Variants in DUSP14 observed in about 807,000 individuals in gnomAD.
DUSP14 encodes the protein dual specificity protein phosphatase 14.
A neutral mutation model predicts 13.2 loss-of-function variants in DUSP14; 5 were observed. That is an observed-to-expected ratio of 0.38 (90% CI 0.20 to 0.80). DUSP14 has a LOEUF of 0.80. Among genes scored for constraint, DUSP14 ranks in the 30% least tolerant of loss-of-function variants. DUSP14 has a pLI of 0.44. For synonymous variants in DUSP14, 91 were observed against 103.4 expected, an observed-to-expected ratio of 0.88 and a Z score of 0.73; for missense variants, 185 against 264.0, an observed-to-expected ratio of 0.70 and a Z score of 2.07.
intron 1 of DUSP14, among the ~76,000 whole-genome samples, chr17:37,495,990 TA>T (rs1232849758): frequency 6.6e-6 from 1 of 152,146 alleles, no homozygotes; most frequent in Admixed American, 6.6e-5. Flanking sequence ...CTTGTAAAAA[TA>T]AAATCTGGAA....
At chr17:37,509,243 CTATATA>C (rs71135736) in intron 1 of DUSP14, among the ~76,000 whole-genome samples, 455 of 44,684 alleles carry the variant, frequency 0.01, 3 homozygotes, top group Non-Finnish European at 0.014. Context: ...TATATACACA[CTATATA>C]TATATATATA....
chr17:37,511,922 C>CCA (rs1555697604), intron 2 of DUSP14, among the ~76,000 whole-genome samples: 10 of 17,760 alleles, frequency 5.6e-4, no homozygotes, highest in African/African-American at 3.2e-3. Context: ...TGCCCAGCCA[C>CCA]CCCCCCCCCA....
intron 1 of DUSP14, among the ~76,000 whole-genome samples, chr17:37,509,257 A>AG (rs2054163199): frequency 0.02 from 530 of 26,466 alleles, 39 homozygotes; most frequent in African/African-American, 0.058. Flanking sequence ...ATATATATAT[A>AG]TATATATATA....
At chr17:37,491,652 A>G (rs749296143) in intron 1 of DUSP14, 3 of 152,214 alleles carry the variant, frequency 2.0e-5, no homozygotes, top group Non-Finnish European at 2.9e-5. Context: ...ATAATAATTA[A>G]TAGAATGGCA....
chr17:37,510,806 CTCT>C (rs2054178670), intron 2 of DUSP14, 42 bp downstream of exon 2: 1 of 152,190 alleles, frequency 6.6e-6, no homozygotes. Context: ...CCCGGGGAGG[CTCT>C]TGTCTGACTG....
At chr17:37,496,406 C>T (rs1240567779) in intron 1 of DUSP14, among the ~76,000 whole-genome samples, 1 of 151,742 alleles carries the variant, frequency 6.6e-6, no homozygotes, top group Non-Finnish European at 1.5e-5. Context: ...AAAGTTCAAT[C>T]GAGACTAGCC....
intron 1 of DUSP14, among the ~76,000 whole-genome samples, chr17:37,504,722 C>T (rs1450253318): frequency 6.6e-6 from 1 of 151,686 alleles, no homozygotes; most frequent in Non-Finnish European, 1.5e-5. Context: ...GGATTATAGG[C>T]GCATGAAACC....
intron 1 of DUSP14, among the ~76,000 whole-genome samples, chr17:37,508,547 A>G (rs539562228): frequency 6.6e-6 from 1 of 152,210 alleles, no homozygotes; most frequent in Non-Finnish European, 1.5e-5. Context: ...CAGCCTGGCC[A>G]ATGTGGCAAA....
chr17:37,509,000 A>G (rs1038960901), intron 1 of DUSP14, among the ~76,000 whole-genome samples: 1 of 143,794 alleles, frequency 7.0e-6, no homozygotes. Context: ...TGGTGTATCT[A>G]CACAGCAGAG....
intron 1 of DUSP14, among the ~76,000 whole-genome samples, chr17:37,505,329 C>T (rs1286128895): frequency 6.6e-6 from 1 of 152,172 alleles, no homozygotes; most frequent in African/African-American, 2.4e-5. Flanking sequence ...GATTGTGCCA[C>T]TGTACTCTAG....
intron 1 of DUSP14, among the ~76,000 whole-genome samples, chr17:37,502,403 T>G (rs928760755): frequency 2.6e-5 from 4 of 151,640 alleles, no homozygotes; most frequent in Non-Finnish European, 5.9e-5. Context: ...CAGTTGGTCT[T>G]GAACTCCTGG....
chr17:37,504,270 G>A (rs1035915385), intron 1 of DUSP14, among the ~76,000 whole-genome samples: 1 of 152,152 alleles, frequency 6.6e-6, no homozygotes, highest in Non-Finnish European at 1.5e-5. Context: ...GTCCATCTGC[G>A]GACATCGAGA....
intron 1 of DUSP14, among the ~76,000 whole-genome samples, chr17:37,509,230 C>T (rs1416752364): frequency 9.9e-5 from 11 of 111,122 alleles, no homozygotes; most frequent in Non-Finnish European, 1.8e-4. Context: ...TATATATACA[C>T]ACTATATACA....
chr17:37,495,777 A>T (rs1018673533), intron 1 of DUSP14, among the ~76,000 whole-genome samples: 4 of 151,872 alleles, frequency 2.6e-5, no homozygotes, highest in Admixed American at 2.6e-4. Context: ...CTCCTGCCTC[A>T]GCCTCCCGAG....
At chr17:37,511,603 T>TTTTTTTTTAA (rs1232617543) in intron 2 of DUSP14, among the ~76,000 whole-genome samples, 3 of 142,352 alleles carry the variant, frequency 2.1e-5, no homozygotes, top group Non-Finnish European at 3.0e-5. Flanking sequence ...TTTTTTTTTT[T>TTTTTTTTTAA]AGAAGCTGGG....
At chr17:37,511,924 C>T (rs56656644) in intron 2 of DUSP14, among the ~76,000 whole-genome samples, 1,123 of 34,248 alleles carry the variant, frequency 0.033, 32 homozygotes, top group East Asian at 0.088. Context: ...CCCAGCCACC[C>T]CCCCCCCACC....
intron 1 of DUSP14, among the ~76,000 whole-genome samples, chr17:37,509,606 T>G (rs143389886): frequency 0.91 from 138,919 of 151,894 alleles, 63,715 homozygotes; most frequent in East Asian, 1. Flanking sequence ...ACAGGCGTGA[T>G]CCACCACGCT....
chr17:37,498,579 G>GTGGGTGGTGGGATCCA (rs1347473281), intron 1 of DUSP14, among the ~76,000 whole-genome samples: 1 of 151,764 alleles, frequency 6.6e-6, no homozygotes, highest in Non-Finnish European at 1.5e-5. Context: ...ACCTGCCTCG[G>GTGGGTGGTGGGATCCA]CCTCCCAAAG....
chr17:37,510,744 G>A lies in DUSP14; in HGVS notation c.-113G>A, dbSNP rs1317659175. 2 of 152,252 alleles carry A rather than the reference G, an allele frequency of 1.3e-5. No homozygotes were observed. Among genetic ancestry groups the A allele is most frequent in the African/African-American group, 2.4e-5 (1 of 41,510 alleles). The allele number at this position is 152,252 out of a possible 1,614,324, so 9.4% of individuals were successfully genotyped here. A position where few individuals can be genotyped will look rare whatever the true frequency, so the allele number is the denominator to read the frequency against. On this transcript the variant is annotated 5_prime_UTR_variant, in exon 2 of 3. Transcript: ENST00000617516. ...CTTTCTGGATCCGGACCCAGGCAGC[G>A]CACACTGGACTCTTGAGGAAGTGAG...
Sources: allele counts gnomAD v4.1 joint callset (sites outside exome capture counted in the v4.1 genomes callset), GRCh38; gene constraint gnomAD v4.1.1; transcripts MANE v1.5; gene names NCBI Gene and HGNC (gene_info 2026-07-23, HGNC 2026-07-21).